The following ANKRA2 variants were observed in gnomAD, a reference collection of about 807,000 sequenced individuals.
ANKRA2 encodes the protein ankyrin repeat family A protein 2.
Under a neutral mutation model 37.8 loss-of-function variants are expected in ANKRA2, and 33 were observed. That is an observed-to-expected ratio of 0.87 (90% CI 0.66 to 1.17). The LOEUF (loss-of-function observed/expected upper bound fraction) is 1.17. ANKRA2 is among the 50% of genes most tolerant of loss of function. The pLI, the probability that ANKRA2 is intolerant of heterozygous loss-of-function variation, is 0.00. For synonymous variants in ANKRA2, 126 were observed against 132.3 expected (o/e 0.95, Z 0.33); for missense variants, 326 against 373.7 (o/e 0.87, Z 1.05).
At position 73,554,286 on chromosome 5, in the gene ANKRA2, C is replaced by T. The variant is rs373325128; in HGVS notation, c.805+36G>A. On this transcript the variant is annotated intron_variant, in intron 7 of 8. Coordinates refer to ENST00000296785, the MANE Select transcript of ANKRA2 (RefSeq NM_023039.5). ...CCAGGTCGAAAAAATAAAATCAAGT[C>T]CTCACATGGCATTTTCTAAATTTTT... 8.9e-6 allele frequency: 14 copies of T among 1,581,108 alleles called. No homozygotes were observed. The African/African-American group carries it at 1.6e-4, about 18-fold the overall frequency.
intron 1 of ANKRA2, among the ~76,000 whole-genome samples, chr5:73,564,217 T>C (rs1462384666): frequency 6.6e-6 from 1 of 152,114 alleles, no homozygotes; most frequent in Admixed American, 6.5e-5. Flanking sequence ...GGATGTGCAA[T>C]GCATTAGTCC....
intron 4 of ANKRA2, chr5:73,557,360 G>A: frequency 3.0e-6 from 1 of 330,550 alleles, no homozygotes; most frequent in Admixed American, 4.8e-5. Context: ...TATAACGTTT[G>A]CTTTTGGGGA....
At chr5:73,556,661 A>G (rs1747403465) in intron 4 of ANKRA2, among the ~76,000 whole-genome samples, 1 of 152,178 alleles carries the variant, frequency 6.6e-6, no homozygotes, top group South Asian at 2.1e-4. Context: ...TCAGAACTTC[A>G]TAAAGGAAGT....
At position 73,553,491 on chromosome 5, in the gene ANKRA2, A is replaced by T; in HGVS notation, c.806-5T>A. 6 of 1,602,764 alleles carry T rather than the reference A, an allele frequency of 3.7e-6. No individual in the cohort carries two copies. The highest frequency in any genetic ancestry group is 5.1e-6 in the Non-Finnish European group (6 of 1,170,214). On this transcript the variant is annotated splice_region_variant and splice_polypyrimidine_tract_variant and intron_variant, in intron 7 of 8. Coordinates refer to ENST00000296785, the MANE Select transcript of ANKRA2 (RefSeq NM_023039.5). ...TTGTTGGATCAGCCCCACTTTCTAT[A>T]CCAAAATAGAAAAACTACATAAATG... is the stretch of plus-strand genomic sequence containing the variant.
At chr5:73,555,391 TC>T in intron 5 of ANKRA2, 96 bp downstream of exon 5, 1 of 1,523,878 alleles carries the variant, frequency 6.6e-7, no homozygotes, top group Non-Finnish European at 8.8e-7. Flanking sequence ...TTTGGTAGCC[TC>T]TACCATTATA....
intron 3 of ANKRA2, 82 bp downstream of exon 3, chr5:73,561,047 AT>A: frequency 7.4e-7 from 1 of 1,346,948 alleles, no homozygotes; most frequent in African/African-American, 1.5e-5. Flanking sequence ...GAAAATATGC[AT>A]TTAATGAAAT....
chr5:73,552,315 TAAA>T lies in ANKRA2; in HGVS notation c.*479_*481del, dbSNP rs1387083897. 1 of 153,004 alleles carries T rather than the reference TAAA, an allele frequency of 6.5e-6. No homozygotes were observed. The highest frequency in any genetic ancestry group is 1.5e-5 in the Non-Finnish European group (1 of 68,374). 9.5% of individuals were successfully genotyped at this position (153,004 alleles called of 1,614,324 possible). A position where few individuals can be genotyped will look rare whatever the true frequency, so the allele number is the denominator to read the frequency against. Reference sequence around the variant, plus strand: ...GAAATCTTTAATAATCTTATATACTTAAAAAAGTAGTATGCAAACTGACAGAAG... The same window carrying T: ...GAAATCTTTAATAATCTTATATACTTAAAGTAGTATGCAAACTGACAGAAG... On this transcript the variant is annotated 3_prime_UTR_variant, in exon 9 of 9. Transcript: ENST00000296785.
At position 73,561,153 on chromosome 5, in the gene ANKRA2, G is replaced by A. The variant is rs1396954792; in HGVS notation, c.425C>T (p.Ser142Phe). ...LTNKHRGNEV[S>F]TTPLLANSLS... Reference sequence around the variant, plus strand: ...ACAATTTGCTAACAGAGGTGTGGTAGAGACCTCATTTCCTCTGTGTTTGTT... The same window carrying A: ...ACAATTTGCTAACAGAGGTGTGGTAAAGACCTCATTTCCTCTGTGTTTGTT... Residue 142 changes from serine to phenylalanine, a missense_variant, in exon 3 of 9, where the codon TCT becomes TTT. Ser to Phe is a radical substitution (Grantham distance 155). Around this residue, in one of 3 missense-constraint regions of ANKRA2, gnomAD observed 228 missense variants for 260.2 expected, o/e 0.88. Coordinates refer to ENST00000296785, the MANE Select transcript of ANKRA2 (RefSeq NM_023039.5). 1.2e-6 allele frequency: 2 copies of A among 1,613,698 alleles called. No individual in the cohort carries two copies. Among genetic ancestry groups the A allele is most frequent in the African/African-American group, 1.3e-5 (1 of 74,898 alleles).
At chr5:73,561,397 ATTTATC>A in intron 2 of ANKRA2, 109 bp from the exon 3 acceptor site, 1 of 1,035,212 alleles carries the variant, frequency 9.7e-7, no homozygotes, top group Non-Finnish European at 1.4e-6. Context: ...CAATTAAACT[ATTTATC>A]AAGTGATACT....
At position 73,562,941 on chromosome 5, in the gene ANKRA2, A is replaced by C; in HGVS notation, c.-60T>G. On this transcript the variant is annotated 5_prime_UTR_variant, in exon 2 of 9. Coordinates refer to ENST00000296785, the MANE Select transcript of ANKRA2 (RefSeq NM_023039.5). ...CTTCATGATTTCCTCTTGGTTTTGTAAGAGCAGTATCCAGTGTGTTCTTGG... is the reference window on the plus strand; with the variant it reads ...CTTCATGATTTCCTCTTGGTTTTGTCAGAGCAGTATCCAGTGTGTTCTTGG... 6.8e-7 allele frequency: 1 copy of C among 1,467,632 alleles called. No homozygotes were observed. The allele number at this position is 1,467,632 out of a possible 1,614,324, so 90.9% of individuals were successfully genotyped here.
chr5:73,555,619 T>C (rs775762643), intron 4 of ANKRA2, 34 bp from the exon 5 acceptor site: 5 of 1,557,464 alleles, frequency 3.2e-6, no homozygotes, highest in South Asian at 1.1e-5. Context: ...TGTGATCTAA[T>C]TTAACAACCA....
In ANKRA2 at chr5:73,555,498, AG is replaced by A; in HGVS notation, c.601del (p.Leu201TyrfsTer11). 1 of 1,613,378 alleles carries A rather than the reference AG, an allele frequency of 6.2e-7. No homozygotes were observed. The highest frequency in any genetic ancestry group is 1.3e-5 in the African/African-American group (1 of 75,060). The part of the protein sequence containing the change: ...AHGQIAVVEF[L>X]LQNGADPQLL... The stretch of plus-strand genomic sequence containing the variant: ...AGGCATTTTCCTTACATTCTGAAGT[AG>A]GAACTCTACCACAGCTATTTGCCCG... On this transcript the variant is annotated frameshift_variant, in exon 5 of 9. Transcript: ENST00000296785. LOFTEE classifies it high-confidence loss of function.
chr5:73,561,814 A>G (rs1393071389), intron 2 of ANKRA2, among the ~76,000 whole-genome samples: 2 of 152,134 alleles, frequency 1.3e-5, no homozygotes, highest in African/African-American at 4.8e-5. Flanking sequence ...TCTGGAAGAA[A>G]ATATATTAAT....
intron 1 of ANKRA2, among the ~76,000 whole-genome samples, chr5:73,564,041 A>C (rs1318314648): frequency 8.5e-5 from 13 of 152,102 alleles, no homozygotes; most frequent in African/African-American, 3.1e-4. Flanking sequence ...TGACCATTAA[A>C]ATGAGGCAGC....
intron 7 of ANKRA2, among the ~76,000 whole-genome samples, chr5:73,553,867 G>C (rs1158467034): frequency 6.6e-6 from 1 of 151,686 alleles, no homozygotes; most frequent in East Asian, 1.9e-4. Flanking sequence ...CTCTGCCCCT[G>C]GGGTTCAAGC....
chr5:73,561,395 CTATT>C (rs1229851571), intron 2 of ANKRA2, 107 bp from the exon 3 acceptor site: 6 of 1,064,366 alleles, frequency 5.6e-6, no homozygotes, highest in East Asian at 2.6e-5. Context: ...TTCAATTAAA[CTATT>C]TATCAAGTGA....
Position 73,555,265 on chromosome 5 carries a change from C to T in ANKRA2, c.612+223G>A, listed in dbSNP as rs185107402. On this transcript the variant is annotated intron_variant, in intron 5 of 8. Transcript: ENST00000296785. ...TCAAAGCTGACAGTACTTCTGTTCC[C>T]GTGGGATGTAGAGGGGTCTGGGCGT... 4.0e-4 allele frequency: 484 copies of T among 1,213,682 alleles called. 3 individuals are homozygous for T. The highest frequency in any genetic ancestry group is 1.4e-4 in the Non-Finnish European group (131 of 907,040). 75.2% of individuals were successfully genotyped at this position (1,213,682 alleles called of 1,614,324 possible).
chr5:73,564,364 A>C (rs1339586868), intron 1 of ANKRA2, among the ~76,000 whole-genome samples: 2 of 152,184 alleles, frequency 1.3e-5, no homozygotes, highest in Admixed American at 1.3e-4. Context: ...TCTGTATTTT[A>C]GCATTCACCA....
chr5:73,561,770 G>GA (rs140794196), intron 2 of ANKRA2, among the ~76,000 whole-genome samples: 12,949 of 146,260 alleles, frequency 0.089, 829 homozygotes, highest in African/African-American at 0.19. Flanking sequence ...CTGGCTCAAA[G>GA]AAAAAAAAAA....
Sources: allele counts gnomAD v4.1 joint callset (sites outside exome capture counted in the v4.1 genomes callset), GRCh38; gene constraint gnomAD v4.1.1; regional missense constraint gnomAD v4.1.1; transcripts MANE v1.5; gene names NCBI Gene and HGNC (gene_info 2026-07-23, HGNC 2026-07-21).